Variants in PCP4 observed in about 807,000 individuals in gnomAD.
The protein encoded by PCP4 is Purkinje cell protein 4.
PCP4 carries 8 observed loss-of-function variants against 10.0 expected under a neutral mutation model. The observed-to-expected ratio is 0.80, with a 90% CI of 0.47 to 1.45. The LOEUF (loss-of-function observed/expected upper bound fraction) is 1.45. PCP4 is among the 40% of genes most tolerant of loss of function. PCP4 has a pLI of 0.00. For missense variants in PCP4, 54 were observed against 74.4 expected (o/e 0.73, Z 1.01); for synonymous variants, 21 against 23.0 (o/e 0.91, Z 0.24).
At chr21:39,905,444 C>T (rs568567052) in intron 2 of PCP4, among the ~76,000 whole-genome samples, 26 of 152,200 alleles carry the variant, frequency 1.7e-4, no homozygotes, top group East Asian at 3.9e-4. Context: ...TTAAAGCCAT[C>T]GCAGTCTCCA....
intron 1 of PCP4, among the ~76,000 whole-genome samples, chr21:39,869,374 T>G (rs1052035467): frequency 3.9e-5 from 6 of 152,182 alleles, no homozygotes; most frequent in Middle Eastern, 3.2e-3. Flanking sequence ...GAACGGGTAA[T>G]CAGGGCAGCT....
intron 1 of PCP4, chr21:39,883,724 T>C (rs1257535508): frequency 6.6e-6 from 1 of 152,212 alleles, no homozygotes; most frequent in African/African-American, 2.4e-5. Context: ...AGCAGAATCA[T>C]TTATTTGTGG....
At chr21:39,877,701 C>CA (rs764601101) in intron 1 of PCP4, among the ~76,000 whole-genome samples, 2 of 151,976 alleles carry the variant, frequency 1.3e-5, no homozygotes, top group South Asian at 2.1e-4. Flanking sequence ...TGCCTCAAAA[C>CA]AAAAACAAAT....
rs145480882 is a variant in PCP4, at chr21:39,893,658, G to T, written c.10-4818G>T. ...TGAATTCTGGTGTTGAACCTTAGATGGGTATGTAGCATGTTCTAATGGTGA... is the reference window on the plus strand; with the variant it reads ...TGAATTCTGGTGTTGAACCTTAGATTGGTATGTAGCATGTTCTAATGGTGA... On this transcript the variant is annotated intron_variant, in intron 1 of 2. Coordinates refer to ENST00000328619, the MANE Select transcript of PCP4 (RefSeq NM_006198.3). Among the ~76,000 whole-genome samples, 417 of 152,338 alleles carry T rather than the reference G, an allele frequency of 2.7e-3. 1 individual carries two copies. The highest frequency in any genetic ancestry group is 9.7e-3 in the African/African-American group (404 of 41,582).
chr21:39,877,632 G>A (rs1335716564), intron 1 of PCP4, among the ~76,000 whole-genome samples: 2 of 152,222 alleles, frequency 1.3e-5, no homozygotes, highest in Non-Finnish European at 2.9e-5. Context: ...GGGAGGTGGA[G>A]GTTGCAGTGA....
At chr21:39,909,188 G>A (rs1767312099) in intron 2 of PCP4, among the ~76,000 whole-genome samples, 1 of 152,140 alleles carries the variant, frequency 6.6e-6, no homozygotes, top group African/African-American at 2.4e-5. Context: ...GCATTAATTC[G>A]AAGGAGTAGA....
intron 1 of PCP4, among the ~76,000 whole-genome samples, chr21:39,882,390 T>C (rs1003996296): frequency 6.6e-6 from 1 of 152,192 alleles, no homozygotes; most frequent in African/African-American, 2.4e-5. Flanking sequence ...CATCCTGTGG[T>C]CTTTGGTCAT....
intron 1 of PCP4, among the ~76,000 whole-genome samples, chr21:39,879,118 T>C (rs2087359715): frequency 6.6e-6 from 1 of 151,988 alleles, no homozygotes; most frequent in African/African-American, 2.4e-5. Context: ...GCCTCCTGAG[T>C]AGCTGGGATT....
chr21:39,915,982 A>G (rs980013494), intron 2 of PCP4: 5 of 152,196 alleles, frequency 3.3e-5, no homozygotes, highest in Non-Finnish European at 5.9e-5. Context: ...GCTTGCACAG[A>G]GGGGTTATCT....
chr21:39,876,939 T>C (rs2087349204), intron 1 of PCP4, among the ~76,000 whole-genome samples: 1 of 152,176 alleles, frequency 6.6e-6, no homozygotes, highest in South Asian at 2.1e-4. Context: ...CTGTCGTTTT[T>C]ATAGTTCCAC....
chr21:39,871,830 T>C (rs2087321691), intron 1 of PCP4, among the ~76,000 whole-genome samples: 1 of 152,222 alleles, frequency 6.6e-6, no homozygotes, highest in African/African-American at 2.4e-5. Context: ...TTTTGAATTT[T>C]AAGAATGACA....
intron 1 of PCP4, among the ~76,000 whole-genome samples, chr21:39,871,686 A>C (rs2087321039): frequency 1.3e-5 from 2 of 152,038 alleles, no homozygotes; most frequent in Non-Finnish European, 2.9e-5. Context: ...TTCCTAATAG[A>C]GAAGAGGTCA....
intron 1 of PCP4, among the ~76,000 whole-genome samples, chr21:39,880,789 A>G (rs540348158): frequency 4.6e-5 from 7 of 152,204 alleles, no homozygotes; most frequent in Non-Finnish European, 5.9e-5. Context: ...TCCGGGATCA[A>G]TATGTGCAGA....
rs111324488 is a variant in PCP4 at position 39,894,669 on chromosome 21, G to T, written c.10-3807G>T. ...ATTCCAGAATCTCATATCAGGGTTTGCTCTGAAGCCAATTTATTGTGCCCT... is the reference window on the plus strand; with the variant it reads ...ATTCCAGAATCTCATATCAGGGTTTTCTCTGAAGCCAATTTATTGTGCCCT... On this transcript the variant is annotated intron_variant, in intron 1 of 2. Coordinates refer to ENST00000328619, the MANE Select transcript of PCP4 (RefSeq NM_006198.3). 1.0e-2 allele frequency among the ~76,000 whole-genome samples: 1,520 copies of T among 152,282 alleles called. 15 individuals are homozygous for T. The highest frequency in any genetic ancestry group is 0.017 in the Non-Finnish European group (1,169 of 68,016).
chr21:39,871,092 G>A (rs1202080240), intron 1 of PCP4, among the ~76,000 whole-genome samples: 2 of 152,226 alleles, frequency 1.3e-5, no homozygotes, highest in African/African-American at 4.8e-5. Context: ...GAAGAAAGCT[G>A]TAAATGGCAT....
At chr21:39,922,901 C>T (rs1306655442) in intron 2 of PCP4, among the ~76,000 whole-genome samples, 1 of 152,290 alleles carries the variant, frequency 6.6e-6, no homozygotes, top group African/African-American at 2.4e-5. Flanking sequence ...CCCAGGCACA[C>T]AGGACGTTGA....
chr21:39,906,419 T>G lies in PCP4; in HGVS notation c.61+7892T>G, dbSNP rs1345565004. Among the ~76,000 whole-genome samples the G allele has an allele frequency of 6.6e-6, 1 of 152,212 alleles. No homozygotes were observed. Among genetic ancestry groups the G allele is most frequent in the Non-Finnish European group, 1.5e-5 (1 of 68,034 alleles). ...TAGCCTCTGGCAAATAGGGGTGATCTCAGACTAATAATAGGGACAGCCATG... is the reference window on the plus strand; with the variant it reads ...TAGCCTCTGGCAAATAGGGGTGATCGCAGACTAATAATAGGGACAGCCATG... On this transcript the variant is annotated intron_variant, in intron 2 of 2. Transcript: ENST00000328619. This position sits in a 1 kb window ranked among gnomAD's most constrained non-coding sequence, Gnocchi z 6.3.
At chr21:39,889,836 T>C (rs2837270) in intron 1 of PCP4, among the ~76,000 whole-genome samples, 12,923 of 152,246 alleles carry the variant, frequency 0.085, 1,826 homozygotes, top group African/African-American at 0.29. Flanking sequence ...GGAATTCATT[T>C]CACATTTCAT....
intron 1 of PCP4, among the ~76,000 whole-genome samples, chr21:39,892,255 G>A (rs1390197987): frequency 6.6e-6 from 1 of 152,166 alleles, no homozygotes; most frequent in Non-Finnish European, 1.5e-5. Context: ...GGTTATATCA[G>A]TAATGCAACA....
Sources: gnomAD v4.1 joint callset for allele counts (sites outside exome capture counted in the v4.1 genomes callset) on GRCh38, gnomAD v4.1.1 for gene constraint, Gnocchi (gnomAD v3.1) non-coding constraint, MANE v1.5 for transcripts, NCBI Gene and HGNC (gene_info 2026-07-23, HGNC 2026-07-21) for gene names.